Variants in ABI1 observed in about 807,000 individuals in gnomAD.
ABI1 encodes Abelson interactor 1.
Under a neutral mutation model 54.6 loss-of-function variants are expected in ABI1, and 14 were observed. The observed-to-expected ratio is 0.26, with a 90% CI of 0.17 to 0.40. The LOEUF (loss-of-function observed/expected upper bound fraction) is 0.40. ABI1 is among the 10% of genes least tolerant of loss of function. The pLI, the probability that ABI1 is intolerant of heterozygous loss-of-function variation, is 1.00. For missense variants in ABI1, 443 were observed against 598.3 expected (o/e 0.74, Z 2.71); for synonymous variants, 194 against 209.3 (o/e 0.93, Z 0.63).
intron 1 of ABI1, among the ~76,000 whole-genome samples, chr10:26,843,040 T>C (rs1295526300): frequency 6.6e-6 from 1 of 151,924 alleles, no homozygotes. Context: ...CAAGACTCCA[T>C]CTTAAAAAGT....
intron 2 of ABI1, among the ~76,000 whole-genome samples, chr10:26,777,768 T>G (rs1841599825): frequency 6.6e-6 from 1 of 151,958 alleles, no homozygotes; most frequent in Admixed American, 6.6e-5. Context: ...AGGGAGACCC[T>G]GTCTCAAAAA....
At chr10:26,788,861 C>T (rs1843044635) in intron 2 of ABI1, among the ~76,000 whole-genome samples, 1 of 129,506 alleles carries the variant, frequency 7.7e-6, no homozygotes. Context: ...TGCAGTGAGC[C>T]AAGATCACGC....
intron 3 of ABI1, among the ~76,000 whole-genome samples, chr10:26,772,779 A>T (rs1172384183): frequency 6.6e-6 from 1 of 151,990 alleles, no homozygotes; most frequent in Non-Finnish European, 1.5e-5. Context: ...TTTCCTTAAG[A>T]TCTCATTTCA....
At chr10:26,758,411 T>C (rs1838635947) in intron 8 of ABI1, among the ~76,000 whole-genome samples, 1 of 152,238 alleles carries the variant, frequency 6.6e-6, no homozygotes, top group South Asian at 2.1e-4. Context: ...CCCTACACTA[T>C]TCTAACTTCC....
At chr10:26,838,423 A>C (rs372745122) in intron 1 of ABI1, among the ~76,000 whole-genome samples, 1 of 152,184 alleles carries the variant, frequency 6.6e-6, no homozygotes, top group African/African-American at 2.4e-5. Context: ...GAAGGAGCAG[A>C]GGACAGGGTT....
chr10:26,770,597 T>C (rs1840568993), intron 4 of ABI1: 6 of 653,132 alleles, frequency 9.2e-6, no homozygotes, highest in Non-Finnish European at 1.7e-5. Context: ...CTTATTTTAT[T>C]GTTAAACATG....
At chr10:26,800,212 C>T (rs1246807378) in intron 2 of ABI1, among the ~76,000 whole-genome samples, 2 of 151,898 alleles carry the variant, frequency 1.3e-5, no homozygotes, top group African/African-American at 2.4e-5. Context: ...GGTGAAACCC[C>T]GTCTCTACTA....
chr10:26,751,543 A>G (rs1837632452), intron 10 of ABI1, 55 bp downstream of exon 10: 2 of 1,547,716 alleles, frequency 1.3e-6, no homozygotes, highest in Non-Finnish European at 8.8e-7. Context: ...TTATAGTTCT[A>G]AATTTCTACA....
chr10:26,835,550 C>T (rs553500863), intron 1 of ABI1, among the ~76,000 whole-genome samples: 9 of 150,976 alleles, frequency 6.0e-5, no homozygotes, highest in East Asian at 5.9e-4. Flanking sequence ...ATTTCAGCCT[C>T]GGTGAAAGAG....
chr10:26,860,912 G>C lies in ABI1; in HGVS notation c.-49C>G, dbSNP rs769434058. On this transcript the variant is annotated 5_prime_UTR_variant, in exon 1 of 11. Coordinates refer to ENST00000376140, the MANE Select transcript of ABI1 (RefSeq NM_001012750.3). This position sits in a 1 kb window ranked among gnomAD's most constrained non-coding sequence, Gnocchi z 4.1. The stretch of plus-strand genomic sequence containing the variant: ...CTCTCGCGTTAAAGAGACAGAGGCA[G>C]CAAGGTCCGCCGAGGCTCCGAGCAC... The C allele has an allele frequency of 6.4e-7, 1 of 1,561,400 alleles. No individual in the cohort carries two copies. Among genetic ancestry groups the C allele is most frequent in the Non-Finnish European group, 8.8e-7 (1 of 1,134,014 alleles).
At position 26,860,635 on chromosome 10, in the gene ABI1, G is replaced by C. The variant is rs561405859; in HGVS notation, c.117+112C>G. ...GGGGTTGGGGCTGCGGTAGGGGCTC[G>C]GGTTGGTGGCAGCCGCTGAGGTCAG... On this transcript the variant is annotated intron_variant, in intron 1 of 10. Transcript: ENST00000376140. The surrounding 1 kb of genome is among the most constrained non-coding windows in gnomAD (Gnocchi z 4.1). 3 of 823,814 alleles carry C rather than the reference G, an allele frequency of 3.6e-6. No individual in the cohort carries two copies. The highest frequency in any genetic ancestry group is 1.7e-5 in the African/African-American group (1 of 59,674). The allele number at this position is 823,814 out of a possible 1,614,324, so 51.0% of individuals were successfully genotyped here. A position where few individuals can be genotyped will look rare whatever the true frequency, so the allele number is the denominator to read the frequency against.
At chr10:26,830,907 T>A (rs1382199678) in intron 1 of ABI1, among the ~76,000 whole-genome samples, 1 of 152,172 alleles carries the variant, frequency 6.6e-6, no homozygotes, top group Non-Finnish European at 1.5e-5. Context: ...CCCATTTTTT[T>A]AATTTTAAAG....
chr10:26,777,205 C>T lies in ABI1; in HGVS notation c.322G>A (p.Glu108Lys). 6.2e-7 allele frequency: 1 copy of T among 1,610,678 alleles called. No homozygotes were observed. The highest frequency in any genetic ancestry group is 8.5e-7 in the Non-Finnish European group (1 of 1,179,036). The change falls in exon 3 of 11, where the codon GAG becomes AAG. Residue 108 changes from glutamate to lysine, a missense_variant. This residue lies in a region of ABI1 where 394 missense variants were observed against 484.8 expected (regional missense o/e 0.81). Transcript: ENST00000376140. Reference protein sequence around the residue: ...DIHKEKVARREIGILTTNKNT... With the variant: ...DIHKEKVARRKIGILTTNKNT... Reference sequence around the variant, plus strand: ...TTATTTGTTGTCAAAATACCAATCTCTCTTCGTGCCACTTTCTCCTTATGA... The same window carrying T: ...TTATTTGTTGTCAAAATACCAATCTTTCTTCGTGCCACTTTCTCCTTATGA...
intron 1 of ABI1, among the ~76,000 whole-genome samples, chr10:26,824,070 G>A (rs917463967): frequency 1.1e-4 from 16 of 151,262 alleles, no homozygotes; most frequent in African/African-American, 2.9e-4. Flanking sequence ...ATGGTCTCAC[G>A]TCCCTTCCAG....
At chr10:26,818,980 G>A (rs1268450736) in intron 2 of ABI1, among the ~76,000 whole-genome samples, 1 of 152,146 alleles carries the variant, frequency 6.6e-6, no homozygotes, top group East Asian at 1.9e-4. Flanking sequence ...GTGACAGAGC[G>A]AGACTCCGTC....
At chr10:26,751,296 C>A (rs1837594936) in intron 10 of ABI1, among the ~76,000 whole-genome samples, 1 of 152,162 alleles carries the variant, frequency 6.6e-6, no homozygotes. Flanking sequence ...TTACATATAA[C>A]TCCATTTTTG....
intron 1 of ABI1, among the ~76,000 whole-genome samples, chr10:26,832,300 T>C (rs910240054): frequency 5.3e-5 from 8 of 152,114 alleles, no homozygotes; most frequent in Non-Finnish European, 2.9e-5. Flanking sequence ...TAAAGTATGT[T>C]GGCCGGGCGC....
At chr10:26,840,564 C>T (rs1340429006) in intron 1 of ABI1, among the ~76,000 whole-genome samples, 1 of 152,164 alleles carries the variant, frequency 6.6e-6, no homozygotes, top group African/African-American at 2.4e-5. Flanking sequence ...AAAATCAGGA[C>T]CAGTATGACA....
chr10:26,809,126 C>T (rs1206354675), intron 2 of ABI1, among the ~76,000 whole-genome samples: 2 of 151,862 alleles, frequency 1.3e-5, no homozygotes, highest in African/African-American at 2.4e-5. Flanking sequence ...AAAAATTAGC[C>T]GAGCATGGTG....
Sources: allele counts gnomAD v4.1 joint callset (sites outside exome capture counted in the v4.1 genomes callset), GRCh38; gene constraint gnomAD v4.1.1; regional missense constraint gnomAD v4.1.1; non-coding constraint Gnocchi (gnomAD v3.1); transcripts MANE v1.5; gene names NCBI Gene and HGNC (gene_info 2026-07-23, HGNC 2026-07-21).